The following MCM9 variants were observed in gnomAD, a reference collection of about 807,000 sequenced individuals.
The protein encoded by MCM9 is DNA helicase MCM9.
MCM9 carries 55 observed loss-of-function variants against 72.8 expected under a neutral mutation model. The observed-to-expected ratio is 0.76, with a 90% CI of 0.61 to 0.95. MCM9 has a LOEUF of 0.95. MCM9 is among the 40% of genes least tolerant of loss of function. The pLI, the probability that MCM9 is intolerant of heterozygous loss-of-function variation, is 0.00. For synonymous variants in MCM9, 480 were observed against 503.4 expected, an observed-to-expected ratio of 0.95 and a Z score of 0.62; for missense variants, 1,279 against 1,377.0, an observed-to-expected ratio of 0.93 and a Z score of 1.13.
rs537140368 is a variant in MCM9 at position 118,846,519 on chromosome 6, T to C, written c.1325+9852A>G. Among the ~76,000 whole-genome samples, 7 of 151,860 alleles carry C rather than the reference T, an allele frequency of 4.6e-5. No individual in the cohort carries two copies. The East Asian group carries it at 1.4e-3, about 29-fold the overall frequency. On this transcript the variant is annotated intron_variant, in intron 9 of 13. Coordinates refer to ENST00000619706, the MANE Select transcript of MCM9 (RefSeq NM_017696.3). Reference sequence around the variant, plus strand: ...GACCTTGTGAATCAAAGTCATTGACTACTGGAGAATAGACAGAGGGGCCTG... The same window carrying C: ...GACCTTGTGAATCAAAGTCATTGACCACTGGAGAATAGACAGAGGGGCCTG...
chr6:118,915,284 C>T (rs1046398235), intron 6 of MCM9, among the ~76,000 whole-genome samples: 1 of 152,112 alleles, frequency 6.6e-6, no homozygotes, highest in Non-Finnish European at 1.5e-5. Flanking sequence ...ACCTCCCTCC[C>T]AAATTTCTAG....
In MCM9 at chr6:118,815,271, C is replaced by T. The variant is rs1458172830; in HGVS notation, c.2985G>A (p.Gln995=). 1 of 1,550,596 alleles carries T rather than the reference C, an allele frequency of 6.4e-7. No homozygotes were observed. Among genetic ancestry groups the T allele is most frequent in the Admixed American group, 2.0e-5 (1 of 50,964 alleles). Residue 995 remains glutamine, a synonymous_variant, in exon 14 of 14, where the codon CAG becomes CAA. Coordinates refer to ENST00000619706, the MANE Select transcript of MCM9 (RefSeq NM_017696.3). Reference sequence around the variant, plus strand: ...TTGGTCCGTGTTTCTCTGGTGGCTGCTGCGACACCTCCTTTGTCTCACCCT... The same window carrying T: ...TTGGTCCGTGTTTCTCTGGTGGCTGTTGCGACACCTCCTTTGTCTCACCCT... The part of the protein sequence containing the change: ...QPQGETKEVS[Q]QPPEKHGPRE...
At chr6:118,856,721 A>G (rs1776575833) in intron 8 of MCM9, among the ~76,000 whole-genome samples, 176 bp from the exon 9 acceptor site, 1 of 152,092 alleles carries the variant, frequency 6.6e-6, no homozygotes, top group South Asian at 2.1e-4. Context: ...TCTACAAATA[A>G]TTTAAAAATT....
At chr6:118,912,373 A>G (rs1314295601) in intron 7 of MCM9, 1 of 152,228 alleles carries the variant, frequency 6.6e-6, no homozygotes, top group Non-Finnish European at 1.5e-5. Flanking sequence ...TTAGTAACTT[A>G]GTGAAATATG....
At chr6:118,895,271 G>C (rs1293446672) in intron 8 of MCM9, among the ~76,000 whole-genome samples, 3 of 152,036 alleles carry the variant, frequency 2.0e-5, no homozygotes, top group African/African-American at 4.8e-5. Flanking sequence ...CCGGCGCCCG[G>C]GATGCGCCGG....
intron 13 of MCM9, among the ~76,000 whole-genome samples, chr6:118,819,696 T>C (rs1459591213): frequency 3.3e-5 from 5 of 152,242 alleles, no homozygotes; most frequent in Admixed American, 6.5e-5. Context: ...GAAGGAATGA[T>C]ACCAGCTCCT....
intron 9 of MCM9, among the ~76,000 whole-genome samples, chr6:118,844,952 T>C (rs1030420449): frequency 6.6e-5 from 10 of 151,840 alleles, no homozygotes; most frequent in Non-Finnish European, 1.3e-4. Flanking sequence ...AACCCCACAA[T>C]TCCTTCTGTG....
intron 9 of MCM9, among the ~76,000 whole-genome samples, chr6:118,834,430 C>T (rs940307013): frequency 5.3e-5 from 8 of 152,212 alleles, no homozygotes; most frequent in East Asian, 1.9e-4. Context: ...TTGAGGAAAT[C>T]GCCACACTGT....
intron 9 of MCM9, among the ~76,000 whole-genome samples, chr6:118,829,703 T>G (rs988390362): frequency 2.0e-5 from 3 of 152,176 alleles, no homozygotes; most frequent in Non-Finnish European, 4.4e-5. Context: ...GCTTTTGAAC[T>G]GAACCTTTCA....
At chr6:118,909,868 G>A (rs1182643282) in intron 8 of MCM9, among the ~76,000 whole-genome samples, 4 of 152,200 alleles carry the variant, frequency 2.6e-5, no homozygotes, top group Non-Finnish European at 4.4e-5. Flanking sequence ...TGTAATCCCA[G>A]CACTTGGGGA....
rs554799875 is a variant in MCM9 at position 118,907,389 on chromosome 6, C to G, written c.1150+4261G>C. 8 of 1,557,244 alleles carry G rather than the reference C, an allele frequency of 5.1e-6. No homozygotes were observed. The African/African-American group carries it at 9.5e-5, about 19-fold the overall frequency. On this transcript the variant is annotated intron_variant, in intron 8 of 13. Coordinates refer to ENST00000619706, the MANE Select transcript of MCM9 (RefSeq NM_017696.3). ...TTAGTGTTTACCATTTGTATGTTTC[C>G]TTTTTCCTCTAGCTTCAAAGGAATA...
chr6:118,916,440 TTATTATTATTATTA>T (rs1319466260), intron 6 of MCM9, among the ~76,000 whole-genome samples: 1 of 82,030 alleles, frequency 1.2e-5, no homozygotes, highest in Non-Finnish European at 2.4e-5. Context: ...AGCATTATTA[TTATTATTATTATTA>T]TTATTATTAT....
At chr6:118,927,482 G>A (rs971988148) in intron 3 of MCM9, among the ~76,000 whole-genome samples, 42 of 152,136 alleles carry the variant, frequency 2.8e-4, no homozygotes, top group African/African-American at 9.9e-4. Flanking sequence ...GTGCATGCCT[G>A]TAATCCCAGC....
intron 9 of MCM9, among the ~76,000 whole-genome samples, chr6:118,851,542 G>C (rs1776225733): frequency 6.6e-6 from 1 of 151,750 alleles, no homozygotes; most frequent in East Asian, 1.9e-4. Flanking sequence ...GAACAAAATA[G>C]AATGCTAGTT....
chr6:118,840,037 A>G (rs1775242900), intron 9 of MCM9, among the ~76,000 whole-genome samples: 1 of 152,190 alleles, frequency 6.6e-6, no homozygotes, highest in Non-Finnish European at 1.5e-5. Context: ...CCCTTCCCCC[A>G]GGTGCTCTGT....
rs534472483 is a variant in MCM9, at chr6:118,813,685, C to A, written c.*1139G>T. 4.6e-5 allele frequency: 7 copies of A among 152,112 alleles called. No homozygotes were observed. The highest frequency in any genetic ancestry group is 1.4e-4 in the African/African-American group (6 of 41,422). The allele number at this position is 152,112 out of a possible 1,614,324, so 9.4% of individuals were successfully genotyped here. A position where few individuals can be genotyped will look rare whatever the true frequency, so the allele number is the denominator to read the frequency against. ...GTCCATAATTACTGAATCCTAATAA[C>A]CCTTATTAGAATCCAAAGGAATAAG... is the stretch of plus-strand genomic sequence containing the variant. On this transcript the variant is annotated 3_prime_UTR_variant, in exon 14 of 14. Coordinates refer to ENST00000619706, the MANE Select transcript of MCM9 (RefSeq NM_017696.3).
At chr6:118,907,753 C>A (rs562329367) in intron 8 of MCM9, 25 of 644,406 alleles carry the variant, frequency 3.9e-5, no homozygotes, top group Non-Finnish European at 4.9e-5. Context: ...ATAAGAAAAC[C>A]AGTATTTGAA....
chr6:118,913,541 G>A (rs1246410251), intron 6 of MCM9, 121 bp from the exon 7 acceptor site: 1 of 1,243,280 alleles, frequency 8.0e-7, no homozygotes, highest in African/African-American at 1.5e-5. Flanking sequence ...GAAGTGATCA[G>A]GAGGTCCAAT....
chr6:118,858,374 G>C (rs1459847135), intron 8 of MCM9, among the ~76,000 whole-genome samples: 4 of 150,792 alleles, frequency 2.7e-5, no homozygotes, highest in East Asian at 2.0e-4. Context: ...CTTGATAAAG[G>C]GTATTTACAA....
Sources: allele counts gnomAD v4.1 joint callset (sites outside exome capture counted in the v4.1 genomes callset), GRCh38; gene constraint gnomAD v4.1.1; transcripts MANE v1.5; gene names NCBI Gene and HGNC (gene_info 2026-07-23, HGNC 2026-07-21).